GRIA3: variants seen among roughly 807,000 people sequenced by gnomAD.
GRIA3 encodes the protein glutamate ionotropic receptor AMPA type subunit 3.
GRIA3 carries 3 observed loss-of-function variants against 63.0 expected under a neutral mutation model. That is an observed-to-expected ratio of 0.05 (90% CI 0.02 to 0.12). The LOEUF is 0.12. GRIA3 is among the 10% of genes least tolerant of loss of function. GRIA3 has a pLI of 1.00. For synonymous variants in GRIA3, 274 were observed against 257.9 expected, an observed-to-expected ratio of 1.06 and a Z score of -0.60; for missense variants, 347 against 700.9, an observed-to-expected ratio of 0.50 and a Z score of 5.70.
chrX:123,308,992 G>A (rs773009338), intron 3 of GRIA3, among the ~76,000 whole-genome samples: 1 of 112,575 alleles, frequency 8.9e-6, no homozygotes, highest in South Asian at 3.7e-4. Context: ...CCCCCTTGAA[G>A]AGGACCCAGA....
In GRIA3 at chrX:123,336,763, A is replaced by G. The variant is rs187712873; in HGVS notation, c.696+10550A>G. Among the ~76,000 whole-genome samples the G allele has an allele frequency of 1.2e-3, 131 of 111,890 alleles. 1 individual carries two copies. The highest frequency in any genetic ancestry group is 4.6e-3 in the Middle Eastern group (1 of 217). ...AATCTGGCTGAGTTCTATCTATTTC[A>G]AGATCATTGTGTGACCTTGCACAGC... On this transcript the variant is annotated intron_variant, in intron 4 of 15. Transcript: ENST00000620443.
chrX:123,348,324 G>A (rs993867668), intron 4 of GRIA3, among the ~76,000 whole-genome samples: 35 of 112,122 alleles, frequency 3.1e-4, no homozygotes, highest in African/African-American at 1.1e-3. Context: ...CAGGAATGCT[G>A]TAATTTAAAA....
At position 123,215,721 on chromosome X, in the gene GRIA3, T is replaced by C. The variant is rs187836722; in HGVS notation, c.268+29731T>C. On this transcript the variant is annotated intron_variant, in intron 2 of 15. Coordinates refer to ENST00000620443, the MANE Select transcript of GRIA3 (RefSeq NM_007325.5). ...TGAAAATACCTAGTGTGTCAGAAAA[T>C]GGGAACTCTTTTTCTGGGGGGCAGA... 3.6e-5 allele frequency among the ~76,000 whole-genome samples: 4 copies of C among 111,581 alleles called. No individual in the cohort carries two copies. The East Asian group carries it at 1.1e-3, about 31-fold the overall frequency.
chrX:123,346,325 C>T (rs191632830), intron 4 of GRIA3, among the ~76,000 whole-genome samples: 1 of 111,863 alleles, frequency 8.9e-6, no homozygotes, highest in East Asian at 2.8e-4. Flanking sequence ...ATCATTCATA[C>T]CCTCTGTAAC....
chrX:123,405,448 C>G (rs1327476910), intron 10 of GRIA3, among the ~76,000 whole-genome samples: 1 of 112,101 alleles, frequency 8.9e-6, no homozygotes, highest in Non-Finnish European at 1.9e-5. Flanking sequence ...CAAATTAGAT[C>G]TCCACATTAC....
At chrX:123,405,174 T>C (rs1431064727) in intron 10 of GRIA3, among the ~76,000 whole-genome samples, 1 of 112,148 alleles carries the variant, frequency 8.9e-6, no homozygotes, top group Non-Finnish European at 1.9e-5. Flanking sequence ...CTGCCCTCTA[T>C]TTAAAATCTG....
intron 12 of GRIA3, among the ~76,000 whole-genome samples, chrX:123,457,925 T>A (rs1348912888): frequency 9.0e-6 from 1 of 111,004 alleles, no homozygotes; most frequent in Non-Finnish European, 1.9e-5. Flanking sequence ...GGAGGGACTT[T>A]AAAAAAATGA....
intron 5 of GRIA3, among the ~76,000 whole-genome samples, chrX:123,389,247 G>C (rs775426288): frequency 1.5e-4 from 17 of 112,034 alleles, no homozygotes; most frequent in Non-Finnish European, 2.3e-4. Context: ...GGTCTCAAGT[G>C]AAGTTTAAAT....
intron 5 of GRIA3, among the ~76,000 whole-genome samples, chrX:123,370,885 G>T (rs2045242382): frequency 1.8e-5 from 2 of 110,390 alleles, no homozygotes; most frequent in Admixed American, 1.9e-4. Context: ...TTTATCTTTT[G>T]TGTTACAAGC....
intron 12 of GRIA3, among the ~76,000 whole-genome samples, chrX:123,434,499 A>G (rs1182246228): frequency 2.7e-5 from 3 of 111,982 alleles, no homozygotes; most frequent in Non-Finnish European, 5.6e-5. Flanking sequence ...TGCTGTACAT[A>G]CTACTTGGCA....
At chrX:123,431,400 G>A (rs1162775430) in intron 12 of GRIA3, among the ~76,000 whole-genome samples, 3 of 99,640 alleles carry the variant, frequency 3.0e-5, no homozygotes, top group African/African-American at 1.0e-4. Context: ...CATGATCAGT[G>A]GAACAGAGGG....
intron 12 of GRIA3, among the ~76,000 whole-genome samples, chrX:123,432,583 G>A (rs923667905): frequency 9.0e-6 from 1 of 111,203 alleles, no homozygotes; most frequent in African/African-American, 3.3e-5. Context: ...CTGAGGCCCT[G>A]GTATTTGGTT....
intron 3 of GRIA3, among the ~76,000 whole-genome samples, chrX:123,272,598 A>G (rs933734031): frequency 2.7e-5 from 3 of 111,792 alleles, no homozygotes; most frequent in African/African-American, 9.8e-5. Flanking sequence ...AATCACCCTA[A>G]AGACAGGACA....
chrX:123,467,366 T>C (rs1243508474), intron 13 of GRIA3, among the ~76,000 whole-genome samples: 2 of 112,106 alleles, frequency 1.8e-5, no homozygotes, highest in Admixed American at 9.5e-5. Context: ...TATTGAAAAT[T>C]CCATTCATCC....
At chrX:123,460,602 G>T (rs1033197306) in intron 12 of GRIA3, among the ~76,000 whole-genome samples, 1 of 111,821 alleles carries the variant, frequency 8.9e-6, no homozygotes, top group Non-Finnish European at 1.9e-5. Context: ...ATTCAGTATC[G>T]TGGTTACTTT....
intron 2 of GRIA3, among the ~76,000 whole-genome samples, chrX:123,199,274 A>ATTTTTTTTTT (rs5903635): frequency 1.3e-5 from 1 of 78,629 alleles, no homozygotes; most frequent in Non-Finnish European, 2.4e-5. Context: ...AGTCTTTTAA[A>ATTTTTTTTTT]TTTTTTTTTT....
intron 5 of GRIA3, among the ~76,000 whole-genome samples, chrX:123,386,262 T>C (rs1225657329): frequency 8.9e-6 from 1 of 112,276 alleles, no homozygotes; most frequent in Non-Finnish European, 1.9e-5. Context: ...TTTCTATTCA[T>C]GTTCTTTGCC....
intron 12 of GRIA3, among the ~76,000 whole-genome samples, chrX:123,440,038 C>T (rs1227612742): frequency 8.9e-6 from 1 of 111,919 alleles, no homozygotes; most frequent in Non-Finnish European, 1.9e-5. Context: ...TAAGTGGGAA[C>T]ACATGGTATG....
chrX:123,253,751 T>C (rs894222355), intron 3 of GRIA3: 4 of 413,601 alleles, frequency 9.7e-6, no homozygotes, highest in Non-Finnish European at 1.2e-5. Context: ...AGGCCCTCCC[T>C]GAAAAAGCAG....
Sources: gnomAD v4.1 joint callset for allele counts (sites outside exome capture counted in the v4.1 genomes callset) on GRCh38, gnomAD v4.1.1 for gene constraint, MANE v1.5 for transcripts, NCBI Gene and HGNC (gene_info 2026-07-23, HGNC 2026-07-21) for gene names.